The following ITGA11 variants were observed in gnomAD, a reference collection of about 807,000 sequenced individuals.
ITGA11 encodes the protein integrin subunit alpha 11.
Under a neutral mutation model 141.9 loss-of-function variants are expected in ITGA11, and 97 were observed. That is an observed-to-expected ratio of 0.68 (90% CI 0.58 to 0.81). The LOEUF is 0.81. Ranked by LOEUF, ITGA11 falls within the 30% of genes least tolerant of loss-of-function variation. The pLI, the probability that ITGA11 is intolerant of heterozygous loss-of-function variation, is 0.00. For synonymous variants in ITGA11, 658 were observed against 624.6 expected, an observed-to-expected ratio of 1.05 and a Z score of -0.80; for missense variants, 1,387 against 1,559.2, an observed-to-expected ratio of 0.89 and a Z score of 1.86.
At chr15:68,344,961 C>T (rs906355153) in intron 10 of ITGA11, among the ~76,000 whole-genome samples, 5 of 151,986 alleles carry the variant, frequency 3.3e-5, no homozygotes, top group African/African-American at 4.8e-5. Flanking sequence ...CTCTGCACAC[C>T]GTCACCCATG....
chr15:68,362,001 GCCCACCCCACTCA>G, intron 4 of ITGA11: 1 of 291,066 alleles, frequency 3.4e-6, no homozygotes, highest in Non-Finnish European at 6.6e-6. Flanking sequence ...CACCCTACCT[GCCCACCCCACTCA>G]CCCACCCACC....
intron 10 of ITGA11, among the ~76,000 whole-genome samples, chr15:68,344,113 G>T (rs1894661325): frequency 6.6e-6 from 1 of 152,142 alleles, no homozygotes; most frequent in Non-Finnish European, 1.5e-5. Flanking sequence ...GGCTTAGGAG[G>T]ACCCGAATGA....
rs372509625 is a variant in ITGA11 at position 68,393,705 on chromosome 15, C to T, written c.164+9213G>A. 4.6e-5 allele frequency among the ~76,000 whole-genome samples: 7 copies of T among 152,232 alleles called. No individual in the cohort carries two copies. In the East Asian group the frequency reaches 1.2e-3, roughly 25 times the overall value. On this transcript the variant is annotated intron_variant, in intron 2 of 29. Transcript: ENST00000315757. Reference sequence around the variant, plus strand: ...AAGAACTCTTGTTAGCAGACTTATACCACAAGAAATACTAAGTAGAGTTCT... The same window carrying T: ...AAGAACTCTTGTTAGCAGACTTATATCACAAGAAATACTAAGTAGAGTTCT...
intron 5 of ITGA11, among the ~76,000 whole-genome samples, chr15:68,359,950 C>T (rs540880239): frequency 1.3e-5 from 2 of 152,272 alleles, no homozygotes; most frequent in African/African-American, 2.4e-5. Flanking sequence ...TCTTGCATTT[C>T]GAAGAGGCAC....
chr15:68,424,537 A>G (rs1897095269), intron 1 of ITGA11, among the ~76,000 whole-genome samples: 1 of 152,122 alleles, frequency 6.6e-6, no homozygotes, highest in South Asian at 2.1e-4. Flanking sequence ...TCTGCACGAC[A>G]GTTTTCTTCT....
chr15:68,394,199 G>T (rs992338608), intron 2 of ITGA11, among the ~76,000 whole-genome samples: 1 of 152,152 alleles, frequency 6.6e-6, no homozygotes, highest in South Asian at 2.1e-4. Context: ...ATAACAAGCA[G>T]TGAGATTGAA....
At chr15:68,376,210 A>G (rs1462330703) in intron 2 of ITGA11, among the ~76,000 whole-genome samples, 1 of 139,456 alleles carries the variant, frequency 7.2e-6, no homozygotes, top group Non-Finnish European at 1.5e-5. Context: ...GCTCTAGATC[A>G]CCTCATTGTT....
intron 2 of ITGA11, among the ~76,000 whole-genome samples, chr15:68,391,739 G>A (rs1896126833): frequency 6.6e-6 from 1 of 152,222 alleles, no homozygotes; most frequent in African/African-American, 2.4e-5. Flanking sequence ...TATTTGACTT[G>A]CATTGGTTTT....
intron 9 of ITGA11, among the ~76,000 whole-genome samples, 162 bp from the exon 10 acceptor site, chr15:68,349,062 C>T (rs2140328801): frequency 6.6e-6 from 1 of 152,318 alleles, no homozygotes; most frequent in South Asian, 2.1e-4. Flanking sequence ...GTGTGCCAGC[C>T]TCCTCAGCCC....
intron 20 of ITGA11, among the ~76,000 whole-genome samples, 171 bp from the exon 21 acceptor site, chr15:68,317,534 CCAGAGGCCA>C (rs1893633230): frequency 6.6e-6 from 1 of 150,772 alleles, no homozygotes; most frequent in Admixed American, 6.6e-5. Context: ...CCCAGAGGCC[CCAGAGGCCA>C]GGGTGTGTCT....
At chr15:68,331,824 C>T (rs759541208) in intron 14 of ITGA11, 35 bp downstream of exon 14, 1 of 1,564,488 alleles carries the variant, frequency 6.4e-7, no homozygotes, top group Non-Finnish European at 8.7e-7. Context: ...CCTGCAGCCC[C>T]ATTTGCTCCA....
At chr15:68,310,682 G>C (rs932076049) in intron 26 of ITGA11, among the ~76,000 whole-genome samples, 4 of 152,102 alleles carry the variant, frequency 2.6e-5, no homozygotes, top group African/African-American at 7.2e-5. Flanking sequence ...CTACTGGCCC[G>C]CTTGGCCCAG....
At chr15:68,344,281 G>T (rs1894670421) in intron 10 of ITGA11, among the ~76,000 whole-genome samples, 1 of 152,140 alleles carries the variant, frequency 6.6e-6, no homozygotes, top group African/African-American at 2.4e-5. Context: ...CTATTGTTTA[G>T]GTCTAGGGGG....
intron 5 of ITGA11, among the ~76,000 whole-genome samples, chr15:68,360,133 C>T (rs1230228107): frequency 6.6e-6 from 1 of 152,178 alleles, no homozygotes; most frequent in Non-Finnish European, 1.5e-5. Flanking sequence ...TGACCTGACA[C>T]TCCTGGCCTG....
intron 10 of ITGA11, 94 bp downstream of exon 10, chr15:68,348,736 G>C: frequency 3.7e-6 from 4 of 1,087,388 alleles, no homozygotes; most frequent in African/African-American, 1.6e-5. Context: ...ACCCATCTGT[G>C]AAGGTGGATG....
chr15:68,396,816 G>T (rs1896253942), intron 2 of ITGA11, among the ~76,000 whole-genome samples: 1 of 140,680 alleles, frequency 7.1e-6, no homozygotes, highest in South Asian at 2.2e-4. Flanking sequence ...ATTTGTAATA[G>T]TATAAAATAT....
At chr15:68,380,821 G>A (rs949468191) in intron 2 of ITGA11, among the ~76,000 whole-genome samples, 1 of 152,150 alleles carries the variant, frequency 6.6e-6, no homozygotes, top group African/African-American at 2.4e-5. Context: ...TCCTCAACAG[G>A]TTCATCCCTG....
At position 68,324,356 on chromosome 15, in the gene ITGA11, C is replaced by T. The variant is rs1893904789; in HGVS notation, c.2322+775G>A. ...TCCTGGCTGGACTCTGTCACTCACA[C>T]AGACGTTGCTCAGAGACTGGACCTC... On this transcript the variant is annotated intron_variant, in intron 18 of 29. Transcript: ENST00000315757. The surrounding 1 kb of genome is among the most constrained non-coding windows in gnomAD (Gnocchi z 6.3). Among the ~76,000 whole-genome samples, 1 of 152,200 alleles carries T rather than the reference C, an allele frequency of 6.6e-6. No homozygotes were observed. The highest frequency in any genetic ancestry group is 6.5e-5 in the Admixed American group (1 of 15,290).
At chr15:68,314,306 C>T (rs1354106355) in intron 22 of ITGA11, among the ~76,000 whole-genome samples, 9 of 152,242 alleles carry the variant, frequency 5.9e-5, no homozygotes, top group African/African-American at 2.2e-4. Context: ...TTCATTTATC[C>T]CTGGACTGAC....
Sources: allele counts gnomAD v4.1 joint callset (sites outside exome capture counted in the v4.1 genomes callset), GRCh38; gene constraint gnomAD v4.1.1; non-coding constraint Gnocchi (gnomAD v3.1); transcripts MANE v1.5; gene names NCBI Gene and HGNC (gene_info 2026-07-23, HGNC 2026-07-21).